The following MYO1B variants were observed in gnomAD, a reference collection of about 807,000 sequenced individuals.
MYO1B encodes the protein unconventional myosin-Ib.
A neutral mutation model predicts 159.7 loss-of-function variants in MYO1B; 72 were observed. That is an observed-to-expected ratio of 0.45 (90% CI 0.37 to 0.55). The LOEUF (loss-of-function observed/expected upper bound fraction) is 0.55, where lower values mean the gene tolerates loss of function less well. Among genes scored for constraint, MYO1B ranks in the 20% least tolerant of loss-of-function variants. The pLI is 0.00. For missense variants in MYO1B, 1,062 were observed against 1,364.8 expected (o/e 0.78, Z 3.50); for synonymous variants, 468 against 473.8 (o/e 0.99, Z 0.16).
intron 1 of MYO1B, among the ~76,000 whole-genome samples, chr2:191,273,592 A>G (rs1244685105): frequency 2.0e-5 from 3 of 152,194 alleles, no homozygotes; most frequent in African/African-American, 4.8e-5. Flanking sequence ...CCACAGTCTC[A>G]AGCTCAGTCA....
intron 3 of MYO1B, among the ~76,000 whole-genome samples, chr2:191,311,087 T>C (rs949060848): frequency 2.0e-5 from 3 of 152,204 alleles, no homozygotes; most frequent in African/African-American, 7.2e-5. Flanking sequence ...TTAGTGTTCA[T>C]TGGATGCATA....
intron 6 of MYO1B, 99 bp from the exon 7 acceptor site, chr2:191,350,063 A>G (rs62181191): frequency 0.012 from 10,887 of 900,736 alleles, 101 homozygotes; most frequent in Middle Eastern, 0.026. Flanking sequence ...ATTTAAACAA[A>G]TGTATAAAAA....
intron 3 of MYO1B, among the ~76,000 whole-genome samples, chr2:191,309,021 G>A (rs371098198): frequency 2.0e-5 from 3 of 152,110 alleles, no homozygotes; most frequent in African/African-American, 7.2e-5. Flanking sequence ...ATGAGCCTAC[G>A]TGGGCTTCAA....
intron 1 of MYO1B, among the ~76,000 whole-genome samples, chr2:191,260,485 TATATC>T (rs1451926141): frequency 6.6e-6 from 1 of 151,986 alleles, no homozygotes; most frequent in African/African-American, 2.4e-5. Flanking sequence ...TCTATTGAAA[TATATC>T]AATATCATTT....
At chr2:191,333,707 C>T (rs1311164521) in intron 4 of MYO1B, among the ~76,000 whole-genome samples, 4 of 152,140 alleles carry the variant, frequency 2.6e-5, no homozygotes, top group African/African-American at 9.7e-5. Flanking sequence ...CTCTCTTTAT[C>T]TCTCTCTGTC....
chr2:191,418,708 C>T (rs185763273), intron 30 of MYO1B, among the ~76,000 whole-genome samples: 315 of 152,118 alleles, frequency 2.1e-3, no homozygotes, highest in African/African-American at 6.9e-3. Flanking sequence ...AGGCTGGTCT[C>T]GAACTCCTGA....
At position 191,425,366 on chromosome 2, in the gene MYO1B, C is replaced by T. The variant is rs1698155183; in HGVS notation, c.*1406C>T. On this transcript the variant is annotated 3_prime_UTR_variant, in exon 31 of 31. Coordinates refer to ENST00000392318, the MANE Select transcript of MYO1B (RefSeq NM_001130158.3). ...TTGACTTGTATTTTTAAAAATTGCT[C>T]ACATAAAGAAGTTCTCAGAAGTCTT... The T allele has an allele frequency of 6.6e-6, 1 of 152,052 alleles. No homozygotes were observed. The highest frequency in any genetic ancestry group is 6.6e-5 in the Admixed American group (1 of 15,264). 9.4% of individuals were successfully genotyped at this position (152,052 alleles called of 1,614,324 possible).
At chr2:191,285,773 G>A (rs750808042) in intron 2 of MYO1B, among the ~76,000 whole-genome samples, 2 of 152,224 alleles carry the variant, frequency 1.3e-5, no homozygotes, top group Non-Finnish European at 1.5e-5. Flanking sequence ...GGGCAGGGGC[G>A]AGGCTCATTG....
intron 17 of MYO1B, among the ~76,000 whole-genome samples, chr2:191,388,970 T>C (rs1445730236): frequency 6.6e-6 from 1 of 152,188 alleles, no homozygotes; most frequent in Non-Finnish European, 1.5e-5. Flanking sequence ...TTCTAGAAGC[T>C]TTATAGTTTC....
intron 13 of MYO1B, among the ~76,000 whole-genome samples, chr2:191,377,130 C>A (rs1316508081): frequency 6.6e-6 from 1 of 152,100 alleles, no homozygotes; most frequent in Non-Finnish European, 1.5e-5. Context: ...ATATTATATA[C>A]TTCTAAACAT....
At chr2:191,418,274 C>T in intron 30 of MYO1B, among the ~76,000 whole-genome samples, 1 of 152,034 alleles carries the variant, frequency 6.6e-6, no homozygotes, top group Non-Finnish European at 1.5e-5. Context: ...GGCGCCTGTT[C>T]CTTTATGTGT....
chr2:191,300,034 C>T (rs995257312), intron 3 of MYO1B, among the ~76,000 whole-genome samples: 2 of 152,166 alleles, frequency 1.3e-5, no homozygotes, highest in African/African-American at 4.8e-5. Flanking sequence ...CATGGTGGGT[C>T]ATTTTCCACT....
chr2:191,389,451 C>T (rs1245212759), intron 17 of MYO1B, among the ~76,000 whole-genome samples: 12 of 152,204 alleles, frequency 7.9e-5, no homozygotes, highest in Non-Finnish European at 1.6e-4. Context: ...GTGGCTCTGC[C>T]GTTTCCTGGG....
intron 15 of MYO1B, among the ~76,000 whole-genome samples, chr2:191,385,493 T>C (rs1695344436): frequency 6.7e-6 from 1 of 150,322 alleles, no homozygotes; most frequent in East Asian, 2.0e-4. Context: ...TTGAGACATG[T>C]TATAGAGGCT....
chr2:191,349,126 C>A (rs1214308001), intron 6 of MYO1B, among the ~76,000 whole-genome samples: 1 of 152,228 alleles, frequency 6.6e-6, no homozygotes, highest in Non-Finnish European at 1.5e-5. Context: ...CTCAATTCCC[C>A]CGCTAGACAG....
chr2:191,342,116 A>G (rs1692261034), intron 5 of MYO1B, among the ~76,000 whole-genome samples: 4 of 152,220 alleles, frequency 2.6e-5, no homozygotes. Context: ...TCTAGAGGCT[A>G]GAAGTTCAAG....
intron 3 of MYO1B, among the ~76,000 whole-genome samples, chr2:191,300,925 T>C (rs1689291573): frequency 6.6e-6 from 1 of 152,176 alleles, no homozygotes; most frequent in Admixed American, 6.5e-5. Flanking sequence ...AGTATATGAC[T>C]TTCAGATCGT....
intron 5 of MYO1B, among the ~76,000 whole-genome samples, chr2:191,345,435 T>G (rs1692506164): frequency 6.6e-6 from 1 of 152,128 alleles, no homozygotes; most frequent in Non-Finnish European, 1.5e-5. Flanking sequence ...AAACAATCCT[T>G]TTACCCTATG....
intron 2 of MYO1B, among the ~76,000 whole-genome samples, chr2:191,285,624 G>A (rs753967192): frequency 6.6e-6 from 1 of 152,184 alleles, no homozygotes; most frequent in Non-Finnish European, 1.5e-5. Context: ...GGGTGATGAA[G>A]TCGAGAGGAG....
Sources: allele counts gnomAD v4.1 joint callset (sites outside exome capture counted in the v4.1 genomes callset), GRCh38; gene constraint gnomAD v4.1.1; transcripts MANE v1.5; gene names NCBI Gene and HGNC (gene_info 2026-07-23, HGNC 2026-07-21).